The following RSF1 variants were observed in gnomAD, a reference collection of about 807,000 sequenced individuals.
RSF1 encodes the protein remodeling and spacing factor 1, also known as HBV pX-associated protein 8.
A neutral mutation model predicts 145.2 loss-of-function variants in RSF1; 13 were observed. The observed-to-expected ratio is 0.09, with a 90% CI of 0.06 to 0.14. The LOEUF is 0.14. Ranked by LOEUF, RSF1 falls within the 10% of genes least tolerant of loss-of-function variation. The pLI, the probability that RSF1 is intolerant of heterozygous loss-of-function variation, is 1.00. For synonymous variants in RSF1, 577 were observed against 592.6 expected, an observed-to-expected ratio of 0.97 and a Z score of 0.38; for missense variants, 1,517 against 1,718.2, an observed-to-expected ratio of 0.88 and a Z score of 2.07.
At chr11:77,833,007 ATATT>A in the RSF1 span, among the ~76,000 whole-genome samples, 18 of 51,948 alleles carry the variant, frequency 3.5e-4, 2 homozygotes, top group African/African-American at 1.7e-3. Flanking sequence ...GTATATATAT[ATATT>A]TTTTTTTTTT....
chr11:77,820,917 A>G, upstream of RSF1: 1 of 584,438 alleles, frequency 1.7e-6, no homozygotes, highest in East Asian at 3.1e-5. Context: ...CGGGAGACAG[A>G]GCGGCCCTCG....
chr11:77,812,997 A>G (rs566765273), intron 1 of RSF1, among the ~76,000 whole-genome samples: 2 of 152,184 alleles, frequency 1.3e-5, no homozygotes, highest in East Asian at 1.9e-4. Flanking sequence ...CATTCTAAGC[A>G]TAACTTTTAA....
chr11:77,702,504 C>G lies in RSF1; in HGVS notation c.734-9G>C. ...ACTTTCTTTCTGTTCCTCTAAAAAT[C>G]AGAAAAAGCTTAATTACATGAATAG... On this transcript the variant is annotated splice_polypyrimidine_tract_variant and intron_variant, in intron 5 of 15. Transcript: ENST00000308488. The G allele has an allele frequency of 1.3e-6, 2 of 1,507,828 alleles. No homozygotes were observed. The highest frequency in any genetic ancestry group is 1.8e-6 in the Non-Finnish European group (2 of 1,134,824). 93.4% of individuals were successfully genotyped at this position (1,507,828 alleles called of 1,614,324 possible).
chr11:77,822,187 C>CCCAA (rs752700574), upstream of RSF1, among the ~76,000 whole-genome samples: 111 of 152,086 alleles, frequency 7.3e-4, no homozygotes, highest in Non-Finnish European at 1.4e-3. Context: ...TGCCTGTAAT[C>CCCAA]CCAACACTTT....
intron 15 of RSF1, among the ~76,000 whole-genome samples, chr11:77,671,379 AC>A (rs1959545364): frequency 6.6e-6 from 1 of 151,174 alleles, no homozygotes; most frequent in Non-Finnish European, 1.5e-5. Context: ...GACAGTAGGC[AC>A]TTTTATTTGA....
chr11:77,691,075 T>G (rs756436891), intron 9 of RSF1, 84 bp downstream of exon 9: 53 of 1,353,956 alleles, frequency 3.9e-5, no homozygotes, highest in Non-Finnish European at 5.2e-5. Flanking sequence ...CAATCCTTGT[T>G]TTAGATGGAT....
At chr11:77,759,686 C>CAAAAAG in intron 2 of RSF1, among the ~76,000 whole-genome samples, 1 of 151,962 alleles carries the variant, frequency 6.6e-6, no homozygotes, top group African/African-American at 2.4e-5. Flanking sequence ...GACTCCATCT[C>CAAAAAG]AAAAAGAAAA....
the RSF1 span, among the ~76,000 whole-genome samples, chr11:77,849,932 A>G: frequency 6.6e-6 from 1 of 152,186 alleles, no homozygotes; most frequent in Non-Finnish European, 1.5e-5. Context: ...CTGTGCCTCT[A>G]TTATAGCACT....
intron 1 of RSF1, among the ~76,000 whole-genome samples, chr11:77,778,023 C>T (rs1462204877): frequency 8.1e-6 from 1 of 124,116 alleles, no homozygotes; most frequent in Non-Finnish European, 1.7e-5. Context: ...GCCTGTAATC[C>T]CAGCAGGCTG....
chr11:77,661,144 T>A lies in RSF1; in HGVS notation c.*5773A>T, dbSNP rs1959227866. ...AATAACCAAATAGACCAATTCTAGT[T>A]TTTTCCTTCTTTTATATGAATAGAT... On this transcript the variant is annotated 3_prime_UTR_variant, in exon 16 of 16. Coordinates refer to ENST00000308488, the MANE Select transcript of RSF1 (RefSeq NM_016578.4). The A allele has an allele frequency of 6.6e-6, 1 of 152,134 alleles. No individual in the cohort carries two copies. The highest frequency in any genetic ancestry group is 1.5e-5 in the Non-Finnish European group (1 of 68,004). 9.4% of individuals were successfully genotyped at this position (152,134 alleles called of 1,614,324 possible).
At chr11:77,866,926 C>T in the RSF1 span, among the ~76,000 whole-genome samples, 11 of 152,140 alleles carry the variant, frequency 7.2e-5, no homozygotes, top group African/African-American at 2.7e-4. Flanking sequence ...CTGCAACCTC[C>T]ACTTCCTGGG....
At chr11:77,690,536 G>A (rs568348158) in intron 9 of RSF1, among the ~76,000 whole-genome samples, 29 of 152,218 alleles carry the variant, frequency 1.9e-4, no homozygotes, top group African/African-American at 7.0e-4. Flanking sequence ...TCACTGCAAC[G>A]ATTCTCCTGC....
chr11:77,675,524 A>C (rs1005993194), intron 13 of RSF1, among the ~76,000 whole-genome samples: 9 of 152,180 alleles, frequency 5.9e-5, no homozygotes, highest in African/African-American at 1.7e-4. Flanking sequence ...CGACATATTC[A>C]AAAGTGAATT....
chr11:77,825,004 A>G (rs1034585919), upstream of RSF1, among the ~76,000 whole-genome samples: 2 of 152,054 alleles, frequency 1.3e-5, no homozygotes, highest in Non-Finnish European at 2.9e-5. Flanking sequence ...TTTTTGAGAC[A>G]GAGTCTCACT....
chr11:77,701,586 T>G lies in RSF1; in HGVS notation c.1643A>C (p.Lys548Thr), dbSNP rs189418355. The change falls in exon 6 of 16, where the codon AAA becomes ACA. Residue 548 changes from lysine to threonine, a missense_variant. Coordinates refer to ENST00000308488, the MANE Select transcript of RSF1 (RefSeq NM_016578.4). ...TAAAGCAGTTTTTGAAGAGAGATCT[T>G]TTGCCATCTCAGAAGAATCAAGAGA... is the stretch of plus-strand genomic sequence containing the variant. ...ETSLDSSEMA[K>T]DLSSKTALSS... 153 of 1,614,132 alleles carry G rather than the reference T, an allele frequency of 9.5e-5. No homozygotes were observed. In the Admixed American group the frequency reaches 1.2e-3, roughly 13 times the overall value.
the RSF1 span, among the ~76,000 whole-genome samples, chr11:77,867,352 A>G: frequency 6.6e-6 from 1 of 152,194 alleles, no homozygotes; most frequent in Admixed American, 6.5e-5. Flanking sequence ...GACCCAGTTA[A>G]AACAGCATGT....
chr11:77,772,293 C>A (rs1211606373), intron 1 of RSF1, among the ~76,000 whole-genome samples: 1 of 152,018 alleles, frequency 6.6e-6, no homozygotes, highest in Non-Finnish European at 1.5e-5. Flanking sequence ...CCTCAGCCTC[C>A]TGAGTAGTTG....
chr11:77,769,747 T>A (rs959026762), intron 1 of RSF1, among the ~76,000 whole-genome samples: 1 of 152,374 alleles, frequency 6.6e-6, no homozygotes, highest in East Asian at 1.9e-4. Context: ...TACTTATAAT[T>A]TTACTTTTTT....
At chr11:77,805,440 C>CA (rs893342261) in intron 1 of RSF1, among the ~76,000 whole-genome samples, 2 of 147,834 alleles carry the variant, frequency 1.4e-5, no homozygotes, top group African/African-American at 2.5e-5. Flanking sequence ...GACTCCATCT[C>CA]AAAAAAAGAA....
Sources: allele counts gnomAD v4.1 joint callset (sites outside exome capture counted in the v4.1 genomes callset), GRCh38; gene constraint gnomAD v4.1.1; transcripts MANE v1.5; gene names NCBI Gene and HGNC (gene_info 2026-07-23, HGNC 2026-07-21).